TSHZ3: variants seen among roughly 807,000 people sequenced by gnomAD.
TSHZ3 encodes teashirt homolog 3.
Under a neutral mutation model 64.5 loss-of-function variants are expected in TSHZ3, and 10 were observed. That is an observed-to-expected ratio of 0.16 (90% confidence interval 0.10 to 0.26). The LOEUF is 0.26. Ranked by LOEUF, TSHZ3 falls within the 10% of genes least tolerant of loss-of-function variation. The pLI, the probability that TSHZ3 is intolerant of heterozygous loss-of-function variation, is 1.00. For synonymous variants in TSHZ3, 608 were observed against 593.1 expected (o/e 1.03, Z -0.36); for missense variants, 1,242 against 1,421.7 (o/e 0.87, Z 2.03).
chr19:31,325,960 C>T (rs987597744), intron 1 of TSHZ3, among the ~76,000 whole-genome samples: 8 of 152,146 alleles, frequency 5.3e-5, no homozygotes, highest in African/African-American at 1.9e-4. Flanking sequence ...GTAATATACA[C>T]AGCAAAGTTT....
At chr19:31,315,496 G>A (rs867229638) in intron 1 of TSHZ3, among the ~76,000 whole-genome samples, 4 of 152,218 alleles carry the variant, frequency 2.6e-5, no homozygotes, top group African/African-American at 9.6e-5. Flanking sequence ...AGGCCAGGCC[G>A]CAGCAGTGGG....
chr19:31,203,442 T>C (rs1413891052), intron 5 of TSHZ3, among the ~76,000 whole-genome samples: 1 of 152,028 alleles, frequency 6.6e-6, no homozygotes, highest in Non-Finnish European at 1.5e-5. Context: ...TGACTTGTTT[T>C]AAAGGATCTC....
chr19:31,210,540 G>A (rs570142752), intron 4 of TSHZ3, among the ~76,000 whole-genome samples: 1 of 152,238 alleles, frequency 6.6e-6, no homozygotes, highest in African/African-American at 2.4e-5. Flanking sequence ...AGCCATGCCT[G>A]GAACACGTTT....
chr19:31,232,532 T>C (rs1975554408), intron 3 of TSHZ3, among the ~76,000 whole-genome samples: 1 of 152,218 alleles, frequency 6.6e-6, no homozygotes. Context: ...TTAAATGACT[T>C]ATTTTAAAAA....
At chr19:31,216,947 C>T (rs1020622666) in intron 4 of TSHZ3, among the ~76,000 whole-genome samples, 5 of 152,028 alleles carry the variant, frequency 3.3e-5, no homozygotes, top group Admixed American at 2.6e-4. Context: ...TGAGCCACCG[C>T]GCCTGACCAA....
At chr19:31,262,723 G>C (rs938551632) in intron 1 of TSHZ3, among the ~76,000 whole-genome samples, 2 of 152,032 alleles carry the variant, frequency 1.3e-5, no homozygotes, top group African/African-American at 4.8e-5. Flanking sequence ...CTTTAAAAGG[G>C]GTTGTTGGTT....
At chr19:31,288,730 G>A (rs1976510112) in intron 1 of TSHZ3, among the ~76,000 whole-genome samples, 1 of 152,066 alleles carries the variant, frequency 6.6e-6, no homozygotes, top group Non-Finnish European at 1.5e-5. Flanking sequence ...TTTTAGAGTT[G>A]GGGTCTTGCT....
intron 1 of TSHZ3, among the ~76,000 whole-genome samples, chr19:31,323,028 G>C (rs1916818417): frequency 6.6e-6 from 1 of 152,180 alleles, no homozygotes; most frequent in Non-Finnish European, 1.5e-5. Flanking sequence ...TTTATAATGT[G>C]TGCATGTGTG....
chr19:31,320,381 C>T (rs1014756229), intron 1 of TSHZ3, among the ~76,000 whole-genome samples: 3 of 152,158 alleles, frequency 2.0e-5, no homozygotes, highest in Non-Finnish European at 4.4e-5. Context: ...TGCTGTTGCC[C>T]GTGGCTGCCG....
chr19:31,266,292 G>A (rs908636033), intron 1 of TSHZ3, among the ~76,000 whole-genome samples: 12 of 152,164 alleles, frequency 7.9e-5, no homozygotes, highest in East Asian at 7.7e-4. Flanking sequence ...ACAAGACCCC[G>A]TTTCTACCAA....
intron 5 of TSHZ3, among the ~76,000 whole-genome samples, chr19:31,157,644 C>T (rs1974322384): frequency 6.6e-6 from 1 of 152,160 alleles, no homozygotes; most frequent in Admixed American, 6.5e-5. Context: ...TAAACACAAA[C>T]ATATATGGCT....
At chr19:31,252,835 T>C (rs1414865119) in intron 1 of TSHZ3, among the ~76,000 whole-genome samples, 1 of 152,156 alleles carries the variant, frequency 6.6e-6, no homozygotes, top group Non-Finnish European at 1.5e-5. Flanking sequence ...AGTAAACATT[T>C]ACAGGTTCCA....
At chr19:31,322,305 T>A (rs1916795668) in intron 1 of TSHZ3, among the ~76,000 whole-genome samples, 1 of 151,552 alleles carries the variant, frequency 6.6e-6, no homozygotes. Flanking sequence ...CCTGGCAAAT[T>A]TTTGTATTTT....
At chr19:31,156,609 A>T (rs1338144372) in intron 5 of TSHZ3, among the ~76,000 whole-genome samples, 2 of 152,182 alleles carry the variant, frequency 1.3e-5, no homozygotes, top group South Asian at 4.1e-4. Flanking sequence ...TTTGGTGATC[A>T]CACCTCTGGA....
intron 1 of TSHZ3, among the ~76,000 whole-genome samples, chr19:31,336,992 CCTTT>C (rs781724205): frequency 1.1e-4 from 17 of 147,952 alleles, no homozygotes; most frequent in South Asian, 6.5e-4. Flanking sequence ...TTTCTTTCTT[CCTTT>C]CTTTTTCTTT....
chr19:31,185,653 A>G (rs905744908), intron 5 of TSHZ3, among the ~76,000 whole-genome samples: 2 of 152,152 alleles, frequency 1.3e-5, no homozygotes, highest in African/African-American at 2.4e-5. Context: ...TTCCCCAGAG[A>G]CACATTATTT....
At chr19:31,178,160 T>C (rs1294151795) in intron 5 of TSHZ3, among the ~76,000 whole-genome samples, 1 of 152,194 alleles carries the variant, frequency 6.6e-6, no homozygotes, top group African/African-American at 2.4e-5. Flanking sequence ...TGATGATAGA[T>C]ATGATCGTTC....
At chr19:31,331,119 G>T (rs535714984) in intron 1 of TSHZ3, among the ~76,000 whole-genome samples, 1 of 152,098 alleles carries the variant, frequency 6.6e-6, no homozygotes, top group Non-Finnish European at 1.5e-5. Flanking sequence ...GGGAAACGGC[G>T]CATGTAACCC....
intron 5 of TSHZ3, among the ~76,000 whole-genome samples, chr19:31,174,953 C>G (rs1264713883): frequency 6.6e-6 from 1 of 152,204 alleles, no homozygotes; most frequent in African/African-American, 2.4e-5. Flanking sequence ...TAATCTGGAG[C>G]AAAACATCCC....
Sources: gnomAD v4.1 joint callset for allele counts (sites outside exome capture counted in the v4.1 genomes callset) on GRCh38, gnomAD v4.1.1 for gene constraint, MANE v1.5 for transcripts, NCBI Gene and HGNC (gene_info 2026-07-23, HGNC 2026-07-21) for gene names.